SMIM38: variants seen among roughly 807,000 people sequenced by gnomAD.
SMIM38 encodes the protein small integral membrane protein 38.
At position 69,161,637 on chromosome 11, in the gene SMIM38, C is replaced by CAGAG. The variant is rs1434415715; in HGVS notation, c.*3541_*3542insAGAG. ...CTTCTTAGAGACACATGGGAACATG[C>CAGAG]CTCTGCTCACAGCTGGTAGCCACAG... On this transcript the variant is annotated 3_prime_UTR_variant, in exon 3 of 3. Coordinates refer to ENST00000686237, the MANE Select transcript of SMIM38 (RefSeq NM_001369201.2). The CAGAG allele has an allele frequency of 3.9e-5, 6 of 152,326 alleles. No individual in the cohort carries two copies. Among genetic ancestry groups the CAGAG allele is most frequent in the Non-Finnish European group, 7.3e-5 (5 of 68,038 alleles). 9.4% of individuals were successfully genotyped at this position (152,326 alleles called of 1,614,324 possible).
In SMIM38 at chr11:69,160,160, G is replaced by C. The variant is rs548986722; in HGVS notation, c.*2064G>C. The C allele has an allele frequency of 6.6e-6, 1 of 151,576 alleles. No individual in the cohort carries two copies. The highest frequency in any genetic ancestry group is 6.6e-5 in the Admixed American group (1 of 15,260). The allele number at this position is 151,576 out of a possible 1,614,324, so 9.4% of individuals were successfully genotyped here. On this transcript the variant is annotated 3_prime_UTR_variant, in exon 3 of 3. Coordinates refer to ENST00000686237, the MANE Select transcript of SMIM38 (RefSeq NM_001369201.2). The stretch of plus-strand genomic sequence containing the variant: ...ACCTGAGGTCACCTCTTGGTCCAGT[G>C]AGCCAGAATCCTGGGACTTCATCAT...
rs938468480 is a variant in SMIM38 at position 69,158,105 on chromosome 11, G to C, written c.*103G>C. ...AGCAGGGCAGGCGCATGATCCCCAT[G>C]TCCCACCCCTGGGGCAGGAGCTCAG... On this transcript the variant is annotated 3_prime_UTR_variant, in exon 2 of 3. Coordinates refer to ENST00000686237, the MANE Select transcript of SMIM38 (RefSeq NM_001369201.2). The C allele has an allele frequency of 1.3e-5, 5 of 397,536 alleles. No individual in the cohort carries two copies. The highest frequency in any genetic ancestry group is 1.0e-4 in the African/African-American group (5 of 48,624). 24.6% of individuals were successfully genotyped at this position (397,536 alleles called of 1,614,324 possible).
rs1857000057 is a variant in SMIM38 at position 69,157,289 on chromosome 11, C to T, written c.-558C>T. ...GGGCCGGCGCTGGACGGCGCGGCCT[C>T]CAGAAGTGATAGCTAATTGGGGAGA... On this transcript the variant is annotated 5_prime_UTR_variant, in exon 2 of 3. Coordinates refer to ENST00000686237, the MANE Select transcript of SMIM38 (RefSeq NM_001369201.2). The T allele has an allele frequency of 1.3e-5, 2 of 152,298 alleles. No individual in the cohort carries two copies. Among genetic ancestry groups the T allele is most frequent in the African/African-American group, 4.8e-5 (2 of 41,446 alleles). 9.4% of individuals were successfully genotyped at this position (152,298 alleles called of 1,614,324 possible). A position where few individuals can be genotyped will look rare whatever the true frequency, so the allele number is the denominator to read the frequency against.
chr11:69,156,612 G>A (rs573189619), intron 1 of SMIM38, among the ~76,000 whole-genome samples: 35 of 152,100 alleles, frequency 2.3e-4, no homozygotes, highest in African/African-American at 6.8e-4. Context: ...GTGTGTGTGC[G>A]CGCGTGTGGC....
At chr11:69,156,724 C>T (rs113618722) in intron 1 of SMIM38, among the ~76,000 whole-genome samples, 2,977 of 152,324 alleles carry the variant, frequency 0.02, 112 homozygotes, top group African/African-American at 0.068. Context: ...TGTGCCCAGG[C>T]GCTGGGCGTG....
rs2134702582 is a variant in SMIM38, at chr11:69,161,085, C to T, written c.*2989C>T. The T allele has an allele frequency of 6.6e-6, 1 of 152,348 alleles. No individual in the cohort carries two copies. Among genetic ancestry groups the T allele is most frequent in the African/African-American group, 2.4e-5 (1 of 41,574 alleles). The allele number at this position is 152,348 out of a possible 1,614,324, so 9.4% of individuals were successfully genotyped here. A position where few individuals can be genotyped will look rare whatever the true frequency, so the allele number is the denominator to read the frequency against. ...CATGTAGATTTGATCTTCACGGCTA[C>T]AAGAAACCTGCTGCTACTGCAGGCA... On this transcript the variant is annotated 3_prime_UTR_variant, in exon 3 of 3. Transcript: ENST00000686237.
In SMIM38 at chr11:69,162,386, G is replaced by C. The variant is rs141723976; in HGVS notation, c.*4290G>C. 25 of 152,254 alleles carry C rather than the reference G, an allele frequency of 1.6e-4. No individual in the cohort carries two copies. Among genetic ancestry groups the C allele is most frequent in the African/African-American group, 5.5e-4 (23 of 41,558 alleles). 9.4% of individuals were successfully genotyped at this position (152,254 alleles called of 1,614,324 possible). On this transcript the variant is annotated 3_prime_UTR_variant, in exon 3 of 3. Coordinates refer to ENST00000686237, the MANE Select transcript of SMIM38 (RefSeq NM_001369201.2). ...TTAGTAATGGTTTTATATTGATTAC[G>C]CATTGAAATAATACTATTTTGGACA... is the stretch of plus-strand genomic sequence containing the variant.
intron 1 of SMIM38, among the ~76,000 whole-genome samples, chr11:69,156,589 TGC>T (rs1347445815): frequency 7.2e-5 from 3 of 41,532 alleles, no homozygotes; most frequent in East Asian, 9.6e-4. Flanking sequence ...TACATGTGTA[TGC>T]GTGTGTGTGT....
chr11:69,157,097 T>C (rs557177946), intron 1 of SMIM38, 77 bp from the exon 2 acceptor site: 45 of 152,478 alleles, frequency 3.0e-4, no homozygotes, highest in Non-Finnish European at 5.1e-4. Context: ...GCTGCTGAGC[T>C]GTGTTTGGGG....
chr11:69,156,578 A>G (rs1275352106), intron 1 of SMIM38, among the ~76,000 whole-genome samples: 1 of 122,502 alleles, frequency 8.2e-6, no homozygotes, highest in Non-Finnish European at 1.7e-5. Flanking sequence ...ACACACATGT[A>G]TACATGTGTA....
rs1023913323 is a variant in SMIM38 at position 69,158,223 on chromosome 11, C to G, written c.*221C>G. On this transcript the variant is annotated 3_prime_UTR_variant, in exon 2 of 3. Transcript: ENST00000686237. Reference sequence around the variant, plus strand: ...TGGGGAGATGGAGGGGCCGGCCTTGCAGGTCCATCACCAGGTTCTGGGGTC... The same window carrying G: ...TGGGGAGATGGAGGGGCCGGCCTTGGAGGTCCATCACCAGGTTCTGGGGTC... The G allele has an allele frequency of 2.6e-6, 1 of 377,526 alleles. No homozygotes were observed. Among genetic ancestry groups the G allele is most frequent in the Non-Finnish European group, 4.7e-6 (1 of 213,264 alleles). 23.4% of individuals were successfully genotyped at this position (377,526 alleles called of 1,614,324 possible).
chr11:69,155,660 A>T (rs1454131806), upstream of SMIM38: 2 of 152,240 alleles, frequency 1.3e-5, no homozygotes, highest in African/African-American at 4.8e-5. Flanking sequence ...CCCCCAGGAC[A>T]TGTCACCTGG....
rs1485379368 is a variant in SMIM38, at chr11:69,162,285, C to T, written c.*4189C>T. On this transcript the variant is annotated 3_prime_UTR_variant, in exon 3 of 3. Transcript: ENST00000686237. ...TTATTGAACAGTAAAAATGCCACCA[C>T]AAATTGCGATATGATGTAAGTAAAA... 1 of 152,110 alleles carries T rather than the reference C, an allele frequency of 6.6e-6. No individual in the cohort carries two copies. The highest frequency in any genetic ancestry group is 1.9e-4 in the East Asian group (1 of 5,200). The allele number at this position is 152,110 out of a possible 1,614,324, so 9.4% of individuals were successfully genotyped here.
chr11:69,161,636 G>A lies in SMIM38; in HGVS notation c.*3540G>A, dbSNP rs1857054685. 1 of 152,222 alleles carries A rather than the reference G, an allele frequency of 6.6e-6. No individual in the cohort carries two copies. Among genetic ancestry groups the A allele is most frequent in the African/African-American group, 2.4e-5 (1 of 41,452 alleles). The allele number at this position is 152,222 out of a possible 1,614,324, so 9.4% of individuals were successfully genotyped here. A position where few individuals can be genotyped will look rare whatever the true frequency, so the allele number is the denominator to read the frequency against. ...CCTTCTTAGAGACACATGGGAACAT[G>A]CCTCTGCTCACAGCTGGTAGCCACA... On this transcript the variant is annotated 3_prime_UTR_variant, in exon 3 of 3. Transcript: ENST00000686237.
chr11:69,156,289 G>A (rs1419579754), intron 1 of SMIM38, among the ~76,000 whole-genome samples, 175 bp downstream of exon 1: 3 of 152,256 alleles, frequency 2.0e-5, no homozygotes, highest in Non-Finnish European at 4.4e-5. Flanking sequence ...CCCCATTGCT[G>A]TTCTCTGTAG....
In SMIM38 at chr11:69,160,507, G is replaced by A. The variant is rs1247325523; in HGVS notation, c.*2411G>A. On this transcript the variant is annotated 3_prime_UTR_variant, in exon 3 of 3. Coordinates refer to ENST00000686237, the MANE Select transcript of SMIM38 (RefSeq NM_001369201.2). Reference sequence around the variant, plus strand: ...CCGGCCTCAGAATCCTGGGACTTCTGCTGGAGCCAGGGGTCAGAACAGACT... The same window carrying A: ...CCGGCCTCAGAATCCTGGGACTTCTACTGGAGCCAGGGGTCAGAACAGACT... The A allele has an allele frequency of 2.6e-5, 4 of 152,208 alleles. No homozygotes were observed. Among genetic ancestry groups the A allele is most frequent in the African/African-American group, 9.7e-5 (4 of 41,422 alleles). 9.4% of individuals were successfully genotyped at this position (152,208 alleles called of 1,614,324 possible).
intron 1 of SMIM38, among the ~76,000 whole-genome samples, chr11:69,156,350 C>G (rs1425085351): frequency 1.3e-5 from 2 of 152,240 alleles, no homozygotes; most frequent in Non-Finnish European, 2.9e-5. Flanking sequence ...CAGGACCCAG[C>G]CGCCAGAGAC....
chr11:69,156,555 TG>T, intron 1 of SMIM38, among the ~76,000 whole-genome samples: 1 of 151,134 alleles, frequency 6.6e-6, no homozygotes, highest in Non-Finnish European at 1.5e-5. Flanking sequence ...TGCACACGTG[TG>T]AGTCTGTGTG....
At chr11:69,155,773 G>A (rs10792026), upstream of SMIM38, 103,646 of 152,160 alleles carry the variant, frequency 0.68, 35,510 homozygotes, top group African/African-American at 0.74. Flanking sequence ...CCCCACGTGC[G>A]GATGGGCTTC....
Sources: gnomAD v4.1 joint callset for allele counts (sites outside exome capture counted in the v4.1 genomes callset) on GRCh38, gnomAD v4.1.1 for gene constraint, MANE v1.5 for transcripts, NCBI Gene and HGNC (gene_info 2026-07-23, HGNC 2026-07-21) for gene names.